Variants in TMEM131L observed in about 807,000 individuals in gnomAD.
TMEM131L encodes transmembrane protein 131-like.
In TMEM131L, 54 loss-of-function variants were observed where a neutral mutation model predicts 192.2. That is an observed-to-expected ratio of 0.28 (90% confidence interval 0.23 to 0.35). The LOEUF is 0.35. TMEM131L is among the 10% of genes least tolerant of loss of function. The pLI, the probability that TMEM131L is intolerant of heterozygous loss-of-function variation, is 1.00. For missense variants in TMEM131L, 1,888 were observed against 1,972.9 expected, an observed-to-expected ratio of 0.96 and a Z score of 0.82; for synonymous variants, 701 against 704.9, an observed-to-expected ratio of 0.99 and a Z score of 0.09.
intron 3 of TMEM131L, among the ~76,000 whole-genome samples, chr4:153,516,824 TTTA>T (rs559280302): frequency 5.8e-4 from 89 of 152,180 alleles, no homozygotes; most frequent in African/African-American, 2.1e-3. Context: ...ATTTTATTTA[TTTA>T]TTATTATTAT....
At chr4:153,535,274 T>G (rs1425702498) in intron 3 of TMEM131L, among the ~76,000 whole-genome samples, 1 of 151,976 alleles carries the variant, frequency 6.6e-6, no homozygotes, top group Non-Finnish European at 1.5e-5. Context: ...CAGTTGGGTG[T>G]GGGGGTAAGA....
intron 30 of TMEM131L, among the ~76,000 whole-genome samples, chr4:153,626,450 C>A (rs376477145): frequency 6.6e-6 from 1 of 152,048 alleles, no homozygotes; most frequent in African/African-American, 2.4e-5. Flanking sequence ...CAGGTAGCCA[C>A]GTTGGAAAAT....
At chr4:153,480,080 G>C (rs1003950412) in intron 3 of TMEM131L, among the ~76,000 whole-genome samples, 3 of 152,110 alleles carry the variant, frequency 2.0e-5, no homozygotes, top group Non-Finnish European at 4.4e-5. Context: ...TGGCTCACGC[G>C]TGTAATCCCA....
rs181094784 is a variant in TMEM131L at position 153,518,379 on chromosome 4, A to G, written c.240-31694A>G. On this transcript the variant is annotated intron_variant, in intron 3 of 34. Coordinates refer to ENST00000409959, the MANE Select transcript of TMEM131L (RefSeq NM_001131007.2). ...GGGGTAGAAGGGAACACACGAGAGC[A>G]GGTCCAGAGAGAAAAAAGAATCAGA... Among the ~76,000 whole-genome samples the G allele has an allele frequency of 1.5e-3, 234 of 152,346 alleles. 1 individual carries two copies. Among genetic ancestry groups the G allele is most frequent in the African/African-American group, 5.2e-3 (218 of 41,574 alleles).
intron 3 of TMEM131L, among the ~76,000 whole-genome samples, chr4:153,518,656 T>C (rs1013767915): frequency 6.6e-6 from 1 of 152,082 alleles, no homozygotes; most frequent in African/African-American, 2.4e-5. Flanking sequence ...TACTGAGAAA[T>C]TTCCTATTGA....
At position 153,479,497 on chromosome 4, in the gene TMEM131L, A is replaced by C. The variant is rs72969196; in HGVS notation, c.239+5609A>C. Among the ~76,000 whole-genome samples the C allele has an allele frequency of 4.4e-3, 674 of 152,250 alleles. 5 individuals are homozygous for C. Among genetic ancestry groups the C allele is most frequent in the African/African-American group, 0.016 (649 of 41,548 alleles). ...GAAGCATGTCTGGCTCTCTGTATATATCTCTCTCTGGTAAGCCTTTTTTTG... is the reference window on the plus strand; with the variant it reads ...GAAGCATGTCTGGCTCTCTGTATATCTCTCTCTCTGGTAAGCCTTTTTTTG... On this transcript the variant is annotated intron_variant, in intron 3 of 34. Coordinates refer to ENST00000409959, the MANE Select transcript of TMEM131L (RefSeq NM_001131007.2).
intron 3 of TMEM131L, among the ~76,000 whole-genome samples, chr4:153,490,903 G>A (rs1401388300): frequency 2.1e-5 from 3 of 144,506 alleles, no homozygotes; most frequent in Admixed American, 7.2e-5. Context: ...GCAGTGAGCC[G>A]AGATCACGCC....
intron 26 of TMEM131L, 134 bp from the exon 27 acceptor site, chr4:153,620,622 C>A: frequency 2.2e-6 from 1 of 458,398 alleles, no homozygotes; most frequent in Non-Finnish European, 3.8e-6. Context: ...AAACTAGAGG[C>A]TGAGCAACAT....
rs755246003 is a variant in TMEM131L, at chr4:153,621,793, T to C, written c.3803T>C (p.Val1268Ala). 12 of 1,613,196 alleles carry C rather than the reference T, an allele frequency of 7.4e-6. No individual in the cohort carries two copies. Among genetic ancestry groups the C allele is most frequent in the Non-Finnish European group, 1.0e-5 (12 of 1,179,750 alleles). Residue 1268 changes from valine (V) to alanine (A), a missense_variant, in exon 28 of 35, where the codon GTT (valine) becomes GCT (alanine). Transcript: ENST00000409959. ...TGTATACAGGAAAGCACTAGGGAGG[T>C]TTGTAAAGCAGATGCCGAAATTGCA... ...SWCIQESTREVCKADAEIASS... is the reference protein window; with the variant it reads ...SWCIQESTREACKADAEIASS...
chr4:153,538,035 A>C (rs533231471), intron 3 of TMEM131L, among the ~76,000 whole-genome samples: 1 of 152,320 alleles, frequency 6.6e-6, no homozygotes, highest in East Asian at 1.9e-4. Flanking sequence ...TTCCCTTGTA[A>C]GGTTCCTGCC....
chr4:153,495,058 G>A (rs959884361), intron 3 of TMEM131L, among the ~76,000 whole-genome samples: 2 of 152,204 alleles, frequency 1.3e-5, no homozygotes, highest in African/African-American at 4.8e-5. Context: ...GCTCACGCCT[G>A]TAATCCCAGC....
At chr4:153,494,525 G>GT (rs2149920985) in intron 3 of TMEM131L, among the ~76,000 whole-genome samples, 1 of 152,244 alleles carries the variant, frequency 6.6e-6, no homozygotes, top group South Asian at 2.1e-4. Flanking sequence ...ACATTAAAAA[G>GT]TAAGACATCT....
At chr4:153,619,572 G>A (rs571880031) in intron 26 of TMEM131L, among the ~76,000 whole-genome samples, 31 of 152,330 alleles carry the variant, frequency 2.0e-4, no homozygotes, top group African/African-American at 5.1e-4. Context: ...CACTGCCTAC[G>A]CAGTTACAAA....
chr4:153,469,689 G>C (rs541352785), intron 2 of TMEM131L, among the ~76,000 whole-genome samples: 2 of 152,264 alleles, frequency 1.3e-5, no homozygotes, highest in African/African-American at 4.8e-5. Context: ...CACTTTGGAA[G>C]GCTGAGAGGG....
chr4:153,575,014 TGTA>T (rs2150664623), intron 7 of TMEM131L, among the ~76,000 whole-genome samples: 1 of 152,346 alleles, frequency 6.6e-6, no homozygotes, highest in South Asian at 2.1e-4. Context: ...TTTCATAAGT[TGTA>T]GTCCTTAAAT....
chr4:153,557,100 T>A lies in TMEM131L; in HGVS notation c.549+18T>A. The A allele has an allele frequency of 8.3e-7, 1 of 1,200,622 alleles. No homozygotes were observed. The highest frequency in any genetic ancestry group is 1.2e-6 in the Non-Finnish European group (1 of 808,820). 74.4% of individuals were successfully genotyped at this position (1,200,622 alleles called of 1,614,324 possible). On this transcript the variant is annotated intron_variant, in intron 6 of 34. Transcript: ENST00000409959. The stretch of plus-strand genomic sequence containing the variant: ...CCTATCATGTGAGTAACTTTTTCCT[T>A]TTGTCACAACTTTGGTTGGTGACTT...
intron 9 of TMEM131L, among the ~76,000 whole-genome samples, chr4:153,582,430 G>GTTTTTTTTT (rs1561212531): frequency 1.6e-4 from 6 of 38,534 alleles, no homozygotes; most frequent in Admixed American, 2.7e-4. Flanking sequence ...GTTTTTTTTT[G>GTTTTTTTTT]TTGTTTTTTT....
intron 15 of TMEM131L, 109 bp from the exon 16 acceptor site, chr4:153,588,781 C>T (rs1730870922): frequency 1.6e-6 from 1 of 621,036 alleles, no homozygotes; most frequent in African/African-American, 1.9e-5. Flanking sequence ...CATTTATTAA[C>T]TCTACAGTCC....
chr4:153,604,678 G>A (rs1337566350), intron 25 of TMEM131L, among the ~76,000 whole-genome samples: 3 of 152,082 alleles, frequency 2.0e-5, no homozygotes, highest in Non-Finnish European at 4.4e-5. Context: ...TTCTTGTTGG[G>A]ATGGACATGG....
Sources: gnomAD v4.1 joint callset for allele counts (sites outside exome capture counted in the v4.1 genomes callset) on GRCh38, gnomAD v4.1.1 for gene constraint, MANE v1.5 for transcripts, NCBI Gene and HGNC (gene_info 2026-07-23, HGNC 2026-07-21) for gene names.